PTPRT: variants seen among roughly 807,000 people sequenced by gnomAD.
The protein encoded by PTPRT is receptor-type tyrosine-protein phosphatase T.
In PTPRT, 56 loss-of-function variants were observed where a neutral mutation model predicts 176.8. The observed-to-expected ratio is 0.32, with a 90% CI of 0.26 to 0.40. The LOEUF is 0.40. PTPRT is among the 10% of genes least tolerant of loss of function. PTPRT has a pLI of 1.00. For synonymous variants in PTPRT, 783 were observed against 739.0 expected (o/e 1.06, Z -0.96); for missense variants, 1,540 against 1,908.2 (o/e 0.81, Z 3.60).
At chr20:42,872,331 G>A (rs1297839393) in intron 2 of PTPRT, among the ~76,000 whole-genome samples, 1 of 152,180 alleles carries the variant, frequency 6.6e-6, no homozygotes, top group Admixed American at 6.5e-5. Flanking sequence ...ATAAATTCTG[G>A]AGTTGTACCT....
chr20:43,019,950 C>T (rs1015387376), intron 1 of PTPRT, among the ~76,000 whole-genome samples: 36 of 151,932 alleles, frequency 2.4e-4, no homozygotes, highest in Non-Finnish European at 4.1e-4. Context: ...GTAACACCCT[C>T]GGCTTCTTTG....
At chr20:42,218,860 A>G (rs775311648) in intron 15 of PTPRT, among the ~76,000 whole-genome samples, 7 of 152,208 alleles carry the variant, frequency 4.6e-5, no homozygotes, top group Non-Finnish European at 8.8e-5. Context: ...CGGGATGTCA[A>G]AATGTCATTA....
chr20:42,827,653 A>G (rs1026968879), intron 2 of PTPRT, among the ~76,000 whole-genome samples: 2 of 152,074 alleles, frequency 1.3e-5, no homozygotes, highest in Admixed American at 6.6e-5. Flanking sequence ...CATAATCCCC[A>G]CATGTCATGG....
intron 9 of PTPRT, among the ~76,000 whole-genome samples, chr20:42,380,106 C>T (rs140207866): frequency 7.1e-4 from 108 of 152,330 alleles, no homozygotes; most frequent in African/African-American, 2.4e-3. Flanking sequence ...AACCTAAGCC[C>T]TATTTCAGTA....
intron 2 of PTPRT, among the ~76,000 whole-genome samples, chr20:42,839,382 C>T (rs1318143389): frequency 6.6e-6 from 1 of 151,632 alleles, no homozygotes; most frequent in Admixed American, 6.6e-5. Flanking sequence ...AAAGAAAAAG[C>T]CTTAATTAAA....
At chr20:42,061,834 C>T in the PTPRT span, among the ~76,000 whole-genome samples, 1,267 of 152,334 alleles carry the variant, frequency 8.3e-3, 25 homozygotes, top group African/African-American at 0.029. Flanking sequence ...TGGAATTGCA[C>T]GCTTGCGTGG....
chr20:42,040,193 A>G, the PTPRT span, among the ~76,000 whole-genome samples: 2 of 152,114 alleles, frequency 1.3e-5, no homozygotes, highest in African/African-American at 4.8e-5. Context: ...ATTAGTGCAC[A>G]GTGCTTCATT....
chr20:42,082,036 G>T lies in PTPRT; in HGVS notation c.4137-19C>A, dbSNP rs747018200. ...CCCATTTCTAAACACAGAGCAAAGA[G>T]GTGAGCCATGTTCCTAGGTCCCTTC... On this transcript the variant is annotated intron_variant, in intron 29 of 30. Transcript: ENST00000373187. 6.2e-7 allele frequency: 1 copy of T among 1,613,872 alleles called. No individual in the cohort carries two copies. Among genetic ancestry groups the T allele is most frequent in the Admixed American group, 1.7e-5 (1 of 60,006 alleles).
chr20:42,330,569 G>A (rs1330631164), intron 11 of PTPRT, among the ~76,000 whole-genome samples: 1 of 151,960 alleles, frequency 6.6e-6, no homozygotes, highest in African/African-American at 2.4e-5. Flanking sequence ...ATAACTTTAA[G>A]CAAGTCTATG....
chr20:42,420,392 C>T (rs1238174243), intron 9 of PTPRT, among the ~76,000 whole-genome samples: 5 of 152,156 alleles, frequency 3.3e-5, no homozygotes, highest in East Asian at 1.9e-4. Flanking sequence ...ACCACTTCCT[C>T]AACCCCACAC....
chr20:42,945,111 T>C (rs1176198193), intron 1 of PTPRT, among the ~76,000 whole-genome samples: 4 of 148,764 alleles, frequency 2.7e-5, no homozygotes, highest in Non-Finnish European at 5.9e-5. Flanking sequence ...ATATGTGATA[T>C]TTATATATAT....
At chr20:42,594,219 G>A (rs959138430) in intron 7 of PTPRT, among the ~76,000 whole-genome samples, 2 of 152,128 alleles carry the variant, frequency 1.3e-5, no homozygotes, top group African/African-American at 4.8e-5. Context: ...CTTTCTGCAG[G>A]GCTGTTGGTT....
chr20:42,440,272 G>A (rs1281883853), intron 9 of PTPRT, among the ~76,000 whole-genome samples: 1 of 152,046 alleles, frequency 6.6e-6, no homozygotes, highest in African/African-American at 2.4e-5. Context: ...GTATCTCAAG[G>A]TGTGATTCTA....
intron 7 of PTPRT, among the ~76,000 whole-genome samples, chr20:42,541,990 C>A (rs529510294): frequency 1.3e-5 from 2 of 152,210 alleles, no homozygotes; most frequent in South Asian, 4.2e-4. Flanking sequence ...AAAATTGAAT[C>A]ATGGGGGTAG....
At chr20:42,460,218 A>G (rs2145887669) in intron 8 of PTPRT, among the ~76,000 whole-genome samples, 1 of 152,324 alleles carries the variant, frequency 6.6e-6, no homozygotes, top group Admixed American at 6.5e-5. Context: ...ATATGGATGG[A>G]TTTTAAAGCC....
chr20:42,864,677 C>A (rs1307382338), intron 2 of PTPRT, among the ~76,000 whole-genome samples: 2 of 152,146 alleles, frequency 1.3e-5, no homozygotes, highest in African/African-American at 2.4e-5. Context: ...TGTCCCTGAA[C>A]CTTGAACGTG....
rs578131306 is a variant in PTPRT at position 43,145,966 on chromosome 20, T to C, written c.88+43680A>G. On this transcript the variant is annotated intron_variant, in intron 1 of 30. Transcript: ENST00000373187. ...TTCGTTTTCAATCTTTTTTATGATATCACTTTAAAATACCCCCAAATATTC... is the reference window on the plus strand; with the variant it reads ...TTCGTTTTCAATCTTTTTTATGATACCACTTTAAAATACCCCCAAATATTC... Among the ~76,000 whole-genome samples, 18 of 152,348 alleles carry C rather than the reference T, an allele frequency of 1.2e-4. No homozygotes were observed. The South Asian group carries it at 3.7e-3, about 32-fold the overall frequency.
At chr20:42,082,322 C>A (rs1204207129) in intron 29 of PTPRT, among the ~76,000 whole-genome samples, 2 of 152,170 alleles carry the variant, frequency 1.3e-5, no homozygotes, top group Non-Finnish European at 2.9e-5. Context: ...GTTCTATGAG[C>A]ATGTTACAGT....
intron 1 of PTPRT, among the ~76,000 whole-genome samples, chr20:43,025,523 T>C (rs1292647109): frequency 6.6e-6 from 1 of 152,204 alleles, no homozygotes; most frequent in Admixed American, 6.5e-5. Flanking sequence ...ATTTCCTGGG[T>C]AAAGCAGGAA....
Sources: allele counts gnomAD v4.1 joint callset (sites outside exome capture counted in the v4.1 genomes callset), GRCh38; gene constraint gnomAD v4.1.1; transcripts MANE v1.5; gene names NCBI Gene and HGNC (gene_info 2026-07-23, HGNC 2026-07-21).